SLC16A10: variants seen among roughly 807,000 people sequenced by gnomAD.
SLC16A10 encodes the protein solute carrier family 16 member 10.
A neutral mutation model predicts 40.0 loss-of-function variants in SLC16A10; 27 were observed. That is an observed-to-expected ratio of 0.67 (90% CI 0.50 to 0.93). The LOEUF (loss-of-function observed/expected upper bound fraction) is 0.93, where lower values mean the gene tolerates loss of function less well. SLC16A10 is among the 40% of genes least tolerant of loss of function. The probability of loss-of-function intolerance (pLI) is 0.00; values close to 1 mark genes in which losing one functional copy is unlikely to be tolerated. For missense variants in SLC16A10, 529 were observed against 658.2 expected, an observed-to-expected ratio of 0.80 and a Z score of 2.15; for synonymous variants, 213 against 249.8, an observed-to-expected ratio of 0.85 and a Z score of 1.39.
chr6:111,177,061 A>C, intron 2 of SLC16A10, 151 bp from the exon 3 acceptor site: 2 of 466,470 alleles, frequency 4.3e-6, no homozygotes, highest in Non-Finnish European at 3.6e-6. Context: ...TTTTCCCTCT[A>C]TTTTGGTTAA....
At chr6:111,100,766 C>T (rs769332703) in intron 1 of SLC16A10, among the ~76,000 whole-genome samples, 2 of 151,726 alleles carry the variant, frequency 1.3e-5, no homozygotes, top group African/African-American at 2.4e-5. Flanking sequence ...TCTCCTTAAG[C>T]GGTTTTATCA....
At chr6:111,088,672 T>C (rs749772612) in intron 1 of SLC16A10, among the ~76,000 whole-genome samples, 1 of 152,150 alleles carries the variant, frequency 6.6e-6, no homozygotes, top group Non-Finnish European at 1.5e-5. Context: ...TTTTGCCCTC[T>C]GGGTTAAATG....
At chr6:111,207,703 T>C (rs145912458) in intron 4 of SLC16A10, among the ~76,000 whole-genome samples, 49 of 152,164 alleles carry the variant, frequency 3.2e-4, no homozygotes, top group African/African-American at 1.1e-3. Context: ...AGTGTGTAGA[T>C]AAGGGAGACA....
chr6:111,215,377 A>C (rs946913000), intron 4 of SLC16A10, among the ~76,000 whole-genome samples: 3 of 148,936 alleles, frequency 2.0e-5, no homozygotes, highest in Non-Finnish European at 3.0e-5. Context: ...TGGTTTTCTT[A>C]TCTTTAAAGA....
chr6:111,098,486 G>T (rs1047234918), intron 1 of SLC16A10, among the ~76,000 whole-genome samples: 10 of 152,120 alleles, frequency 6.6e-5, no homozygotes, highest in African/African-American at 2.4e-4. Context: ...TGTTCAGAAA[G>T]CCAAAATTTA....
chr6:111,146,388 A>G (rs555970846), intron 1 of SLC16A10, among the ~76,000 whole-genome samples: 5 of 152,340 alleles, frequency 3.3e-5, no homozygotes, highest in African/African-American at 1.2e-4. Flanking sequence ...GCTATTCCTC[A>G]GAGATTTACC....
chr6:111,221,587 A>G (rs1326019426), intron 5 of SLC16A10, among the ~76,000 whole-genome samples: 2 of 151,974 alleles, frequency 1.3e-5, no homozygotes, highest in East Asian at 3.9e-4. Flanking sequence ...CTCTACAAAA[A>G]ATATAAAAAT....
chr6:111,164,217 G>T (rs1772429757), intron 1 of SLC16A10, among the ~76,000 whole-genome samples: 2 of 146,558 alleles, frequency 1.4e-5, no homozygotes, highest in African/African-American at 5.5e-5. Context: ...AAATTCCCAT[G>T]CCTTCTTATA....
In SLC16A10 at chr6:111,224,585, A is replaced by G. The variant is rs1770957212; in HGVS notation, c.*2350A>G. ...GGATCTATAACACTGAAAAAGTTCT[A>G]TTGTAATAGACTCATACGGAGAATA... On this transcript the variant is annotated 3_prime_UTR_variant, in exon 6 of 6. Coordinates refer to ENST00000368851, the MANE Select transcript of SLC16A10 (RefSeq NM_018593.5). 1 of 152,340 alleles carries G rather than the reference A, an allele frequency of 6.6e-6. No individual in the cohort carries two copies. Among genetic ancestry groups the G allele is most frequent in the African/African-American group, 2.4e-5 (1 of 41,586 alleles). 9.4% of individuals were successfully genotyped at this position (152,340 alleles called of 1,614,324 possible).
At chr6:111,207,469 T>G (rs1041205699) in intron 4 of SLC16A10, among the ~76,000 whole-genome samples, 1 of 152,094 alleles carries the variant, frequency 6.6e-6, no homozygotes, top group Non-Finnish European at 1.5e-5. Flanking sequence ...ACAGAACAGG[T>G]ATTGAAGTGA....
At chr6:111,112,900 C>T (rs1771415115) in intron 1 of SLC16A10, among the ~76,000 whole-genome samples, 1 of 152,066 alleles carries the variant, frequency 6.6e-6, no homozygotes, top group Non-Finnish European at 1.5e-5. Flanking sequence ...TATGTTCAGA[C>T]ATACTTCAAG....
In SLC16A10 at chr6:111,228,281, C is replaced by T. The variant is rs745359834; in HGVS notation, c.*6046C>T. The T allele has an allele frequency of 3.3e-5, 5 of 152,182 alleles. No individual in the cohort carries two copies. The highest frequency in any genetic ancestry group is 7.3e-5 in the Non-Finnish European group (5 of 68,038). 9.4% of individuals were successfully genotyped at this position (152,182 alleles called of 1,614,324 possible). ...CAAACCTGACAACTTACACATTAAA[C>T]TCCTGTAAGAGACACTCCTTCCTAG... On this transcript the variant is annotated 3_prime_UTR_variant, in exon 6 of 6. Coordinates refer to ENST00000368851, the MANE Select transcript of SLC16A10 (RefSeq NM_018593.5).
chr6:111,170,938 G>T (rs149582085), intron 1 of SLC16A10, among the ~76,000 whole-genome samples: 67 of 152,192 alleles, frequency 4.4e-4, no homozygotes, highest in African/African-American at 1.5e-3. Flanking sequence ...AGGAGTTTGA[G>T]ACCAGCCTGG....
intron 4 of SLC16A10, among the ~76,000 whole-genome samples, chr6:111,207,006 T>C (rs1387847152): frequency 6.6e-6 from 1 of 152,140 alleles, no homozygotes; most frequent in East Asian, 1.9e-4. Context: ...TTTTTGTATT[T>C]TTTTAGTAGA....
intron 4 of SLC16A10, among the ~76,000 whole-genome samples, chr6:111,216,871 A>G (rs548436843): frequency 2.6e-5 from 4 of 152,334 alleles, no homozygotes; most frequent in African/African-American, 9.6e-5. Flanking sequence ...TTTTGGTGTC[A>G]GTGGACCACT....
chr6:111,178,228 C>G (rs886658745), intron 3 of SLC16A10, among the ~76,000 whole-genome samples: 1 of 152,092 alleles, frequency 6.6e-6, no homozygotes, highest in Non-Finnish European at 1.5e-5. Context: ...GATGTTGATA[C>G]AAAGAAACAT....
In SLC16A10 at chr6:111,134,136, C is replaced by T. The variant is rs2114493167; in HGVS notation, c.344-38559C>T. 2.0e-5 allele frequency among the ~76,000 whole-genome samples: 3 copies of T among 152,292 alleles called. No homozygotes were observed. In the South Asian group the frequency reaches 6.2e-4, roughly 32 times the overall value. On this transcript the variant is annotated intron_variant, in intron 1 of 5. Coordinates refer to ENST00000368851, the MANE Select transcript of SLC16A10 (RefSeq NM_018593.5). ...ACAACGGAGGAAAGAGAACGATTCCCCACAGGGCAGCAGGCAGTTCCCAGT... is the reference window on the plus strand; with the variant it reads ...ACAACGGAGGAAAGAGAACGATTCCTCACAGGGCAGCAGGCAGTTCCCAGT...
At chr6:111,129,599 T>G (rs1245808035) in intron 1 of SLC16A10, among the ~76,000 whole-genome samples, 3 of 152,254 alleles carry the variant, frequency 2.0e-5, no homozygotes, top group Non-Finnish European at 4.4e-5. Flanking sequence ...AAAGTGGTTT[T>G]TAAGTTTTAC....
intron 1 of SLC16A10, among the ~76,000 whole-genome samples, chr6:111,093,208 C>CGAAA (rs1771015386): frequency 2.0e-5 from 3 of 152,096 alleles, no homozygotes; most frequent in Non-Finnish European, 4.4e-5. Context: ...GAAACTTTGT[C>CGAAA]TCACACACAA....
Sources: allele counts gnomAD v4.1 joint callset (sites outside exome capture counted in the v4.1 genomes callset), GRCh38; gene constraint gnomAD v4.1.1; transcripts MANE v1.5; gene names NCBI Gene and HGNC (gene_info 2026-07-23, HGNC 2026-07-21).